FCER1G: variants seen among roughly 807,000 people sequenced by gnomAD.
The protein encoded by FCER1G is Fc epsilon receptor Ig, also known as high affinity immunoglobulin epsilon receptor subunit gamma.
FCER1G carries 7 observed loss-of-function variants against 17.3 expected under a neutral mutation model. The observed-to-expected ratio is 0.40, with a 90% CI of 0.23 to 0.76. FCER1G has a LOEUF of 0.76. Ranked by LOEUF, FCER1G falls within the 30% of genes least tolerant of loss-of-function variation. FCER1G has a pLI of 0.35. For synonymous variants in FCER1G, 35 were observed against 38.7 expected (o/e 0.90, Z 0.35); for missense variants, 87 against 97.7 (o/e 0.89, Z 0.46).
chr1:161,218,599 G>A (rs1474551189), intron 3 of FCER1G, 104 bp from the exon 4 acceptor site: 2 of 1,201,864 alleles, frequency 1.7e-6, no homozygotes, highest in Non-Finnish European at 2.5e-6. Context: ...TCTAGCCCAA[G>A]GTGGCTGGCT....
At position 161,215,299 on chromosome 1, in the gene FCER1G, G is replaced by C; in HGVS notation, c.-23G>C. 1 of 1,613,038 alleles carries C rather than the reference G, an allele frequency of 6.2e-7. No homozygotes were observed. Among genetic ancestry groups the C allele is most frequent in the African/African-American group, 1.3e-5 (1 of 74,994 alleles). On this transcript the variant is annotated 5_prime_UTR_variant, in exon 1 of 5. Transcript: ENST00000289902. ...TGAGCACAGCTGCACAGTGCTGTCA[G>C]AACGGCCGATCTCCAGCCCAAGATG...
At position 161,218,687 on chromosome 1, in the gene FCER1G, T is replaced by G. The variant is rs923824989; in HGVS notation, c.178-16T>G. On this transcript the variant is annotated splice_polypyrimidine_tract_variant and intron_variant, in intron 3 of 4. Transcript: ENST00000289902. Reference sequence around the variant, plus strand: ...AAGTGTGGGTCTTTAATGTTTTGCTTCTTTTGTCTCTGCAGAAATCAGATG... The same window carrying G: ...AAGTGTGGGTCTTTAATGTTTTGCTGCTTTTGTCTCTGCAGAAATCAGATG... 3 of 1,613,978 alleles carry G rather than the reference T, an allele frequency of 1.9e-6. No individual in the cohort carries two copies. The highest frequency in any genetic ancestry group is 1.7e-6 in the Non-Finnish European group (2 of 1,179,922).
At chr1:161,215,838 C>A (rs1442471476) in intron 1 of FCER1G, among the ~76,000 whole-genome samples, 1 of 152,034 alleles carries the variant, frequency 6.6e-6, no homozygotes, top group South Asian at 2.1e-4. Flanking sequence ...GTGATCCACC[C>A]ACCTCGACCT....
chr1:161,218,947 T>C lies in FCER1G; in HGVS notation c.*4T>C, dbSNP rs1571631962. 1 of 1,610,364 alleles carries C rather than the reference T, an allele frequency of 6.2e-7. No individual in the cohort carries two copies. The highest frequency in any genetic ancestry group is 1.1e-5 in the South Asian group (1 of 91,040). ...GCATGAGAAACCACCACAGTAGCTT[T>C]AGAATAGATGCGGTCATATTCTTCT... On this transcript the variant is annotated 3_prime_UTR_variant, in exon 5 of 5. Transcript: ENST00000289902.
In FCER1G at chr1:161,218,266, C is replaced by T. The variant is rs373426724; in HGVS notation, c.167C>T (p.Thr56Ile). ...LKIQVRKAAI[T>I]SYEKSDGVYT... The stretch of plus-strand genomic sequence containing the variant: ...ATCCAAGTGCGAAAGGCAGCTATAA[C>T]CAGCTATGAGGTATGGACCCTCCTA... The change falls in exon 3 of 5, where the codon ACC (threonine) becomes ATC (isoleucine). Residue 56 changes from threonine (T) to isoleucine (I), a missense_variant. Coordinates refer to ENST00000289902, the MANE Select transcript of FCER1G (RefSeq NM_004106.2). 1.2e-5 allele frequency: 19 copies of T among 1,613,748 alleles called. No homozygotes were observed. Among genetic ancestry groups the T allele is most frequent in the South Asian group, 4.4e-5 (4 of 91,078 alleles).
rs763579903 is a variant in FCER1G, at chr1:161,218,272, A to G, written c.173A>G (p.Tyr58Cys). ...GTGCGAAAGGCAGCTATAACCAGCT[A>G]TGAGGTATGGACCCTCCTACACCTG... ...IQVRKAAITSYEKSDGVYTGL... is the reference protein window; with the variant it reads ...IQVRKAAITSCEKSDGVYTGL... Residue 58 changes from tyrosine (Y) to cysteine (C), a missense_variant, in exon 3 of 5, where the codon TAT (tyrosine) becomes TGT (cysteine). Tyr to Cys is a radical substitution (Grantham distance 194, BLOSUM62 -2). Coordinates refer to ENST00000289902, the MANE Select transcript of FCER1G (RefSeq NM_004106.2). 3.2e-5 allele frequency: 52 copies of G among 1,613,436 alleles called. No individual in the cohort carries two copies. Among genetic ancestry groups the G allele is most frequent in the Non-Finnish European group, 4.0e-5 (47 of 1,179,482 alleles).
intron 3 of FCER1G, 28 bp from the exon 4 acceptor site, chr1:161,218,675 T>C: frequency 6.2e-7 from 1 of 1,613,838 alleles, no homozygotes; most frequent in South Asian, 1.1e-5. Flanking sequence ...TGTGGGTCTT[T>C]AATGTTTTGC....
Position 161,218,020 on chromosome 1 carries a change from G to T in FCER1G, c.84G>T (p.Leu28=). ...ALGEPQLCYI[L]DAILFLYGIV... is the part of the protein sequence containing the mutation. Reference sequence around the variant, plus strand: ...GAGAGCCTCAGCTCTGCTATATCCTGGATGCCATCCTGTTTCTGTATGGAA... The same window carrying T: ...GAGAGCCTCAGCTCTGCTATATCCTTGATGCCATCCTGTTTCTGTATGGAA... Residue 28 remains leucine (L), a synonymous_variant, in exon 2 of 5, where the codon CTG becomes CTT. Coordinates refer to ENST00000289902, the MANE Select transcript of FCER1G (RefSeq NM_004106.2). 1 of 1,613,878 alleles carries T rather than the reference G, an allele frequency of 6.2e-7. No homozygotes were observed. Among genetic ancestry groups the T allele is most frequent in the South Asian group, 1.1e-5 (1 of 91,078 alleles).
chr1:161,216,120 G>A (rs1666037986), intron 1 of FCER1G, among the ~76,000 whole-genome samples: 1 of 151,874 alleles, frequency 6.6e-6, no homozygotes, highest in East Asian at 1.9e-4. Context: ...TTCCCATGGG[G>A]TGCCTTTGGT....
intron 4 of FCER1G, 38 bp downstream of exon 4, chr1:161,218,761 G>A (rs1666102066): frequency 6.2e-7 from 1 of 1,611,634 alleles, no homozygotes; most frequent in South Asian, 1.1e-5. Context: ...GAAGTCAGCA[G>A]AAGAGGGTGG....
intron 4 of FCER1G, 56 bp downstream of exon 4, chr1:161,218,779 A>G (rs1666103188): frequency 6.2e-7 from 1 of 1,603,784 alleles, no homozygotes; most frequent in African/African-American, 1.3e-5. Context: ...TGGGATTTTG[A>G]GCGATCTTTG....
Position 161,219,119 on chromosome 1 carries a change from A to G in FCER1G, c.*176A>G. Reference sequence around the variant, plus strand: ...TCCTCCCTGTTAAAGACTAATGCTCAGATGCTGTTTACGGATATTTATATT... The same window carrying G: ...TCCTCCCTGTTAAAGACTAATGCTCGGATGCTGTTTACGGATATTTATATT... On this transcript the variant is annotated 3_prime_UTR_variant, in exon 5 of 5. Transcript: ENST00000289902. The G allele has an allele frequency of 1.6e-6, 1 of 607,854 alleles. No individual in the cohort carries two copies. Among genetic ancestry groups the G allele is most frequent in the Admixed American group, 3.0e-5 (1 of 33,212 alleles). The allele number at this position is 607,854 out of a possible 1,614,324, so 37.7% of individuals were successfully genotyped here. A position where few individuals can be genotyped will look rare whatever the true frequency, so the allele number is the denominator to read the frequency against.
At chr1:161,216,377 TACACAC>T (rs57711151) in intron 1 of FCER1G, among the ~76,000 whole-genome samples, 3,716 of 120,486 alleles carry the variant, frequency 0.031, 140 homozygotes, top group African/African-American at 0.096. Flanking sequence ...CACACACACA[TACACAC>T]ACACACACAC....
In FCER1G at chr1:161,218,910, C is replaced by T. The variant is rs745961564; in HGVS notation, c.228C>T (p.Tyr76=). The T allele has an allele frequency of 9.3e-6, 15 of 1,613,746 alleles. No individual in the cohort carries two copies. Among genetic ancestry groups the T allele is most frequent in the South Asian group, 8.8e-5 (8 of 91,082 alleles). Reference sequence around the variant, plus strand: ...TGAGCACCAGGAACCAGGAGACTTACGAGACTCTGAAGCATGAGAAACCAC... The same window carrying T: ...TGAGCACCAGGAACCAGGAGACTTATGAGACTCTGAAGCATGAGAAACCAC... ...TGLSTRNQET[Y]ETLKHEKPPQ Residue 76 remains tyrosine, a synonymous_variant, in exon 5 of 5, where the codon TAC becomes TAT. Coordinates refer to ENST00000289902, the MANE Select transcript of FCER1G (RefSeq NM_004106.2).
At chr1:161,218,491 T>C (rs1383654020) in intron 3 of FCER1G, among the ~76,000 whole-genome samples, 3 of 152,122 alleles carry the variant, frequency 2.0e-5, no homozygotes, top group East Asian at 3.9e-4. Context: ...ATAAAGAATA[T>C]GTGAGAGACT....
intron 1 of FCER1G, among the ~76,000 whole-genome samples, chr1:161,215,812 T>G (rs2102063152): frequency 6.6e-6 from 1 of 152,150 alleles, no homozygotes; most frequent in South Asian, 2.1e-4. Flanking sequence ...AGGGTAGTCT[T>G]GAACTCCTGA....
intron 1 of FCER1G, among the ~76,000 whole-genome samples, chr1:161,216,377 T>TACACACACACACACACAC (rs57711151): frequency 6.5e-4 from 78 of 120,456 alleles, no homozygotes; most frequent in African/African-American, 1.4e-3. Context: ...CACACACACA[T>TACACACACACACACACAC]ACACACACAC....
intron 1 of FCER1G, among the ~76,000 whole-genome samples, chr1:161,216,497 G>C (rs539308949): frequency 1.6e-4 from 24 of 150,726 alleles, no homozygotes; most frequent in Non-Finnish European, 3.1e-4. Flanking sequence ...TGGGAGTAAG[G>C]CAAGGATATA....
intron 3 of FCER1G, 88 bp downstream of exon 3, chr1:161,218,364 G>T (rs890737246): frequency 1.1e-5 from 12 of 1,138,458 alleles, no homozygotes; most frequent in African/African-American, 3.0e-5. Flanking sequence ...GCCTCTGGGA[G>T]GGCCTGCCTC....
Sources: allele counts gnomAD v4.1 joint callset (sites outside exome capture counted in the v4.1 genomes callset), GRCh38; gene constraint gnomAD v4.1.1; transcripts MANE v1.5; gene names NCBI Gene and HGNC (gene_info 2026-07-23, HGNC 2026-07-21).